LIN52: variants seen among roughly 807,000 people sequenced by gnomAD.
LIN52 encodes the protein lin-52 DREAM MuvB core complex component.
A neutral mutation model predicts 18.5 loss-of-function variants in LIN52; 4 were observed. The ratio of observed to expected loss-of-function variants is 0.22; its 90% CI spans 0.11 to 0.49. The LOEUF (loss-of-function observed/expected upper bound fraction) is 0.49, where lower values mean the gene tolerates loss of function less well. LIN52 is among the 20% of genes least tolerant of loss of function. LIN52 has a pLI of 0.97. For synonymous variants in LIN52, 34 were observed against 45.5 expected (o/e 0.75, Z 1.02); for missense variants, 102 against 139.5 (o/e 0.73, Z 1.35).
intron 5 of LIN52, among the ~76,000 whole-genome samples, chr14:74,134,621 C>T (rs2061087229): frequency 6.6e-6 from 1 of 151,354 alleles, no homozygotes; most frequent in East Asian, 2.0e-4. Context: ...ACTTAGGTTC[C>T]CTCTGGCCCC....
chr14:74,186,229 C>T (rs4356410), intron 5 of LIN52, among the ~76,000 whole-genome samples: 141,708 of 151,952 alleles, frequency 0.93, 66,274 homozygotes, highest in African/African-American at 0.99. Context: ...GAGGCGGAGG[C>T]TGCAGTGAGC....
At chr14:74,116,566 C>T (rs991835991) in intron 5 of LIN52, among the ~76,000 whole-genome samples, 5 of 151,800 alleles carry the variant, frequency 3.3e-5, no homozygotes, top group African/African-American at 9.7e-5. Flanking sequence ...ATTAGTCACT[C>T]GTAGTGGTGG....
chr14:74,196,676 C>T (rs2078914099), intron 5 of LIN52, among the ~76,000 whole-genome samples: 1 of 152,128 alleles, frequency 6.6e-6, no homozygotes, highest in South Asian at 2.1e-4. Context: ...GTTTGCTAGC[C>T]TCCCTTTGTG....
chr14:74,128,583 C>A (rs989668287), intron 5 of LIN52, among the ~76,000 whole-genome samples: 1 of 152,166 alleles, frequency 6.6e-6, no homozygotes, highest in African/African-American at 2.4e-5. Flanking sequence ...CAAAACATAC[C>A]AAACTATACA....
intron 4 of LIN52, among the ~76,000 whole-genome samples, chr14:74,099,290 A>G (rs1395578809): frequency 6.7e-6 from 1 of 149,038 alleles, no homozygotes; most frequent in Non-Finnish European, 1.5e-5. Context: ...AAAAAAAAAC[A>G]CCTTTATTTG....
At chr14:74,128,700 G>C (rs776675133) in intron 5 of LIN52, among the ~76,000 whole-genome samples, 1 of 152,200 alleles carries the variant, frequency 6.6e-6, no homozygotes, top group Non-Finnish European at 1.5e-5. Context: ...CCAGCACTTT[G>C]GGAGGCTGAG....
chr14:74,169,177 G>A (rs564430506), intron 5 of LIN52, among the ~76,000 whole-genome samples: 1 of 152,280 alleles, frequency 6.6e-6, no homozygotes, highest in African/African-American at 2.4e-5. Flanking sequence ...TTACCTTAGT[G>A]ACTGTTTCTA....
At chr14:74,130,845 C>T (rs1349752402) in intron 5 of LIN52, among the ~76,000 whole-genome samples, 3 of 152,044 alleles carry the variant, frequency 2.0e-5, no homozygotes, top group Non-Finnish European at 4.4e-5. Flanking sequence ...CTTGGCCTCC[C>T]AAAGTGCTAG....
rs1736601909 is a variant in LIN52, at chr14:74,158,471, TTTAC to T, written c.284-40448_284-40445del. ...TTTCTTTCTTTTTTATTTTTATTTATTTACTTGTTTGTTTATTTATTTTTGAGAC... is the reference window on the plus strand; with the variant it reads ...TTTCTTTCTTTTTTATTTTTATTTATTTGTTTGTTTATTTATTTTTGAGAC... On this transcript the variant is annotated intron_variant, in intron 5 of 5. Coordinates refer to ENST00000555028, the MANE Select transcript of LIN52 (RefSeq NM_001024674.3). Among the ~76,000 whole-genome samples, 10 of 117,766 alleles carry T rather than the reference TTTAC, an allele frequency of 8.5e-5. 1 individual carries two copies. In the South Asian group the frequency reaches 2.3e-3, roughly 28 times the overall value. The allele number at this position is 117,766 out of a possible 152,430, so 77.3% of individuals were successfully genotyped here. A position where few individuals can be genotyped will look rare whatever the true frequency, so the allele number is the denominator to read the frequency against.
intron 4 of LIN52, among the ~76,000 whole-genome samples, chr14:74,099,586 TTGTGTG>T (rs148601338): frequency 6.7e-6 from 1 of 149,348 alleles, no homozygotes; most frequent in Non-Finnish European, 1.5e-5. Context: ...AGTATTGTCT[TTGTGTG>T]TGTGTGTGTG....
chr14:74,138,748 AG>A, intron 5 of LIN52, among the ~76,000 whole-genome samples: 1 of 145,762 alleles, frequency 6.9e-6, no homozygotes, highest in South Asian at 2.3e-4. Flanking sequence ...CCAGCCTGGG[AG>A]ACAGAGTGAG....
chr14:74,145,454 A>C (rs531625323), intron 5 of LIN52, among the ~76,000 whole-genome samples: 3 of 152,322 alleles, frequency 2.0e-5, no homozygotes, highest in African/African-American at 7.2e-5. Context: ...ACTTTTGTAG[A>C]TCACCTGATT....
At chr14:74,162,563 G>GA (rs954093530) in intron 5 of LIN52, among the ~76,000 whole-genome samples, 20 of 135,770 alleles carry the variant, frequency 1.5e-4, no homozygotes, top group East Asian at 4.4e-4. Context: ...TTTTTTTATT[G>GA]AAAAAAAAAT....
chr14:74,125,936 T>A, intron 5 of LIN52, among the ~76,000 whole-genome samples: 1 of 150,886 alleles, frequency 6.6e-6, no homozygotes, highest in African/African-American at 2.4e-5. Flanking sequence ...ATACCTAATG[T>A]TAAATGATGA....
Position 74,092,645 on chromosome 14 carries a change from G to T in LIN52, c.94+1339G>T, listed in dbSNP as rs143947791. The stretch of plus-strand genomic sequence containing the variant: ...AAAACTACATTTATAGGCTGGGCAT[G>T]GTGGTTCATGCCTGTAGTCCCAGCA... On this transcript the variant is annotated intron_variant, in intron 2 of 5. Transcript: ENST00000555028. 4.7e-3 allele frequency among the ~76,000 whole-genome samples: 713 copies of T among 151,756 alleles called. 1 individual carries two copies. The highest frequency in any genetic ancestry group is 0.015 in the African/African-American group (603 of 41,504).
chr14:74,181,738 A>G (rs1208495360), intron 5 of LIN52, among the ~76,000 whole-genome samples: 2 of 152,192 alleles, frequency 1.3e-5, no homozygotes, highest in African/African-American at 4.8e-5. Context: ...AATTTTTTAA[A>G]TAAGATTATT....
At chr14:74,167,288 G>A (rs780015816) in intron 5 of LIN52, among the ~76,000 whole-genome samples, 2 of 152,050 alleles carry the variant, frequency 1.3e-5, no homozygotes, top group Non-Finnish European at 2.9e-5. Flanking sequence ...AGAATCACAT[G>A]TTATTTTATC....
chr14:74,188,440 A>AT (rs201079325), intron 5 of LIN52, among the ~76,000 whole-genome samples: 2,393 of 152,088 alleles, frequency 0.016, 62 homozygotes, highest in African/African-American at 0.054. Flanking sequence ...GAAGATTTGT[A>AT]TTTTTTTAAA....
intron 5 of LIN52, among the ~76,000 whole-genome samples, chr14:74,187,272 G>C (rs899136465): frequency 2.0e-5 from 3 of 152,158 alleles, no homozygotes; most frequent in African/African-American, 7.2e-5. Context: ...TCCAATGCCA[G>C]ATAAGATAAA....
Sources: allele counts gnomAD v4.1 joint callset (sites outside exome capture counted in the v4.1 genomes callset), GRCh38; gene constraint gnomAD v4.1.1; transcripts MANE v1.5; gene names NCBI Gene and HGNC (gene_info 2026-07-23, HGNC 2026-07-21).